The following SPMIP2 variants were observed in gnomAD, a reference collection of about 807,000 sequenced individuals.
The protein encoded by SPMIP2 is protein SPMIP2.
chr4:159,037,729 T>C, the SPMIP2 span, among the ~76,000 whole-genome samples: 2 of 150,404 alleles, frequency 1.3e-5, no homozygotes, highest in Non-Finnish European at 3.0e-5. Context: ...GCTGTGATCA[T>C]ACCACTGCAC....
At chr4:159,059,196 C>T in the SPMIP2 span, among the ~76,000 whole-genome samples, 1 of 151,886 alleles carries the variant, frequency 6.6e-6, no homozygotes, top group Non-Finnish European at 1.5e-5. Context: ...GATGACATTT[C>T]CCTGTGCCAT....
the SPMIP2 span, among the ~76,000 whole-genome samples, chr4:159,070,020 G>T: frequency 3.3e-5 from 5 of 151,532 alleles, no homozygotes; most frequent in Non-Finnish European, 4.4e-5. Flanking sequence ...GTAACCTCTC[G>T]CAAAGTACAA....
the SPMIP2 span, among the ~76,000 whole-genome samples, chr4:159,067,837 A>C: frequency 1.3e-5 from 2 of 152,196 alleles, no homozygotes; most frequent in South Asian, 2.1e-4. Context: ...ACCCCATCAA[A>C]AAGTGGGCAA....
chr4:159,035,894 T>G, the SPMIP2 span, among the ~76,000 whole-genome samples: 5 of 152,250 alleles, frequency 3.3e-5, no homozygotes, highest in Non-Finnish European at 7.3e-5. Flanking sequence ...TTTAGATGTA[T>G]CTTTTTAACT....
the SPMIP2 span, among the ~76,000 whole-genome samples, chr4:158,976,381 C>A: frequency 5.3e-5 from 8 of 152,120 alleles, no homozygotes; most frequent in Non-Finnish European, 8.8e-5. Context: ...CAAAGGGAAT[C>A]ATTCCAGCAT....
At chr4:159,072,794 G>A in the SPMIP2 span, among the ~76,000 whole-genome samples, 3 of 151,860 alleles carry the variant, frequency 2.0e-5, no homozygotes, top group African/African-American at 2.4e-5. Flanking sequence ...AAACTACTTC[G>A]CCAGTAATAA....
the SPMIP2 span, among the ~76,000 whole-genome samples, chr4:158,933,700 C>T: frequency 1.3e-5 from 2 of 151,434 alleles, no homozygotes; most frequent in Non-Finnish European, 3.0e-5. Flanking sequence ...TCTCCTTCTA[C>T]CTCTAATATT....
At chr4:158,996,046 G>A in the SPMIP2 span, among the ~76,000 whole-genome samples, 1 of 152,156 alleles carries the variant, frequency 6.6e-6, no homozygotes, top group African/African-American at 2.4e-5. Context: ...TTAGAGACTC[G>A]CACGACGTCT....
the SPMIP2 span, among the ~76,000 whole-genome samples, chr4:158,926,321 G>T: frequency 6.6e-6 from 1 of 151,464 alleles, no homozygotes; most frequent in Non-Finnish European, 1.5e-5. Flanking sequence ...TGTAGGTATT[G>T]ATAGCTATAC....
the SPMIP2 span, among the ~76,000 whole-genome samples, chr4:159,065,493 A>C: frequency 6.6e-6 from 1 of 152,028 alleles, no homozygotes. Flanking sequence ...CAAGGCTGGC[A>C]AATCACTTGC....
chr4:159,024,369 A>G, the SPMIP2 span, among the ~76,000 whole-genome samples: 1 of 152,180 alleles, frequency 6.6e-6, no homozygotes, highest in Non-Finnish European at 1.5e-5. Context: ...TTTCTGAGAT[A>G]ATTACTGGCA....
the SPMIP2 span, chr4:158,915,080 T>A: frequency 1.8e-6 from 2 of 1,105,576 alleles, no homozygotes; most frequent in Non-Finnish European, 2.6e-6. Context: ...AAACTGATTA[T>A]TAGTATTACT....
At chr4:158,915,347 A>C in the SPMIP2 span, 1 of 1,610,364 alleles carries the variant, frequency 6.2e-7, no homozygotes, top group Admixed American at 1.7e-5. Context: ...CCAGGACATG[A>C]GGTTTTGGTT....
the SPMIP2 span, among the ~76,000 whole-genome samples, chr4:159,067,331 G>A: frequency 5.3e-5 from 8 of 152,020 alleles, no homozygotes; most frequent in Non-Finnish European, 8.8e-5. Context: ...TGCAATGTCC[G>A]CCTCCTGGGT....
chr4:158,976,886 T>C, the SPMIP2 span, among the ~76,000 whole-genome samples: 1 of 152,034 alleles, frequency 6.6e-6, no homozygotes, highest in Non-Finnish European at 1.5e-5. Flanking sequence ...GGTCTCAATC[T>C]CTTGACCTTG....
chr4:159,068,085 T>G, the SPMIP2 span, among the ~76,000 whole-genome samples: 11 of 152,292 alleles, frequency 7.2e-5, no homozygotes, highest in African/African-American at 2.6e-4. Context: ...GTTCAACCAT[T>G]GTGGAAGTCA....
At chr4:159,046,604 G>T in the SPMIP2 span, among the ~76,000 whole-genome samples, 1 of 152,208 alleles carries the variant, frequency 6.6e-6, no homozygotes, top group South Asian at 2.1e-4. Context: ...ACAGAGTCTT[G>T]CTCTGTTGCC....
the SPMIP2 span, among the ~76,000 whole-genome samples, chr4:159,002,550 A>T: frequency 2.0e-5 from 3 of 152,108 alleles, no homozygotes; most frequent in Non-Finnish European, 4.4e-5. Context: ...AAGATCACAA[A>T]GTTTTTCTCC....
the SPMIP2 span, chr4:158,960,181 TAAAA>T: frequency 4.4e-6 from 3 of 681,682 alleles, no homozygotes; most frequent in Non-Finnish European, 7.4e-6. Flanking sequence ...CTACATGAAA[TAAAA>T]AGAAAGTGTT....
Sources: allele counts gnomAD v4.1 joint callset (sites outside exome capture counted in the v4.1 genomes callset), GRCh38; gene constraint gnomAD v4.1.1; transcripts MANE v1.5; gene names NCBI Gene and HGNC (gene_info 2026-07-23, HGNC 2026-07-21).